HAUS8: variants seen among roughly 807,000 people sequenced by gnomAD.
HAUS8 encodes HAUS augmin like complex subunit 8, also known as HAUS augmin-like complex subunit 8.
In HAUS8, 38 loss-of-function variants were observed where a neutral mutation model predicts 42.9. The observed-to-expected ratio is 0.89, with a 90% CI of 0.68 to 1.16. The LOEUF is 1.16. HAUS8 is among the 50% of genes most tolerant of loss of function. The pLI, the probability that HAUS8 is intolerant of heterozygous loss-of-function variation, is 0.00. For synonymous variants in HAUS8, 199 were observed against 205.8 expected (o/e 0.97, Z 0.28); for missense variants, 494 against 511.6 (o/e 0.97, Z 0.33).
chr19:17,075,167 G>A, intron 1 of HAUS8: 2 of 549,764 alleles, frequency 3.6e-6, no homozygotes, highest in African/African-American at 1.9e-5. Flanking sequence ...CTTGCCGGAG[G>A]TCGCCCAGCG....
At position 17,073,273 on chromosome 19, in the gene HAUS8, C is replaced by A. The variant is rs759332696; in HGVS notation, c.91+1G>T. ...CTTAAAGAGATCCTGACACTGCTTA[C>A]CTTGAACTCTTTTATCCTTCTTCTT... is the stretch of plus-strand genomic sequence containing the variant. On this transcript the variant is annotated splice_donor_variant, in intron 2 of 10. Transcript: ENST00000253669. LOFTEE classifies it high-confidence loss of function. 3.0e-5 allele frequency: 49 copies of A among 1,612,780 alleles called. No homozygotes were observed. The highest frequency in any genetic ancestry group is 3.5e-5 in the Non-Finnish European group (41 of 1,178,880).
At chr19:17,051,910 G>A (rs1027250299) in intron 10 of HAUS8, 2 of 151,832 alleles carry the variant, frequency 1.3e-5, no homozygotes, top group Admixed American at 1.3e-4. Flanking sequence ...GGGGGCTGAG[G>A]TGGGCAGATC....
At chr19:17,054,007 C>T (rs1465764749) in intron 9 of HAUS8, among the ~76,000 whole-genome samples, 1 of 152,028 alleles carries the variant, frequency 6.6e-6, no homozygotes, top group Non-Finnish European at 1.5e-5. Context: ...GAGGAGGCCA[C>T]GTGAGGACGG....
intron 3 of HAUS8, among the ~76,000 whole-genome samples, chr19:17,065,738 A>G (rs1186080062): frequency 6.6e-6 from 1 of 151,726 alleles, no homozygotes; most frequent in African/African-American, 2.4e-5. Flanking sequence ...GAGGCAGAAT[A>G]GCTTGAACCC....
At chr19:17,065,753 G>A (rs1338468763) in intron 3 of HAUS8, among the ~76,000 whole-genome samples, 1 of 151,772 alleles carries the variant, frequency 6.6e-6, no homozygotes, top group Non-Finnish European at 1.5e-5. Context: ...GAACCCGGGA[G>A]GCAGAGGTTG....
In HAUS8 at chr19:17,050,078, G is replaced by T. The variant is rs762220408; in HGVS notation, c.1028C>A (p.Pro343His). The T allele has an allele frequency of 1.2e-6, 2 of 1,603,840 alleles. No homozygotes were observed. The highest frequency in any genetic ancestry group is 4.6e-5 in the East Asian group (2 of 43,874). ...VWEETQGMAPPSRWYFNQDSA... is the reference protein window; with the variant it reads ...VWEETQGMAPHSRWYFNQDSA... ...GTCTTGATTGAAATACCACCGGCTG[G>T]GGGGCGCCATGCCCTGGGTCTCTTC... Residue 343 changes from proline (P) to histidine (H), a missense_variant, in exon 11 of 11, where the codon CCC (proline) becomes CAC (histidine). By Grantham distance (77) the Pro-to-His change is moderately conservative. Transcript: ENST00000253669.
intron 2 of HAUS8, among the ~76,000 whole-genome samples, chr19:17,072,015 C>T (rs1409535239): frequency 1.3e-5 from 2 of 152,074 alleles, no homozygotes; most frequent in Non-Finnish European, 2.9e-5. Flanking sequence ...AATAAACAGG[C>T]TGAATTTTCC....
chr19:17,055,131 AAAAAAAAAAAAAATATATATATAT>A (rs1599971475), intron 9 of HAUS8: 3 of 36,254 alleles, frequency 8.3e-5, no homozygotes, highest in African/African-American at 2.3e-4. Context: ...AAAAAAAAAA[AAAAAAAAAAAAAATATATATATAT>A]ATATATATAT....
intron 1 of HAUS8, chr19:17,075,013 C>T (rs1469006136): frequency 3.6e-6 from 1 of 279,664 alleles, no homozygotes; most frequent in Non-Finnish European, 6.9e-6. Context: ...CACTGCATAA[C>T]GATAATTCCA....
intron 3 of HAUS8, among the ~76,000 whole-genome samples, chr19:17,065,940 C>G (rs2057384726): frequency 6.6e-6 from 1 of 151,204 alleles, no homozygotes; most frequent in South Asian, 2.1e-4. Context: ...GCGCCTTCCC[C>G]CCATATCTCA....
intron 3 of HAUS8, among the ~76,000 whole-genome samples, chr19:17,063,089 A>T (rs992603957): frequency 1.6e-4 from 24 of 152,216 alleles, no homozygotes; most frequent in African/African-American, 2.4e-5. Flanking sequence ...AGAACATATA[A>T]CTTTGGTCAT....
At chr19:17,073,415 T>G in intron 1 of HAUS8, 80 bp from the exon 2 acceptor site, 1 of 1,330,660 alleles carries the variant, frequency 7.5e-7, no homozygotes, top group Non-Finnish European at 1.1e-6. Flanking sequence ...CTCTGCTAGT[T>G]GAAGCTCAGA....
intron 3 of HAUS8, among the ~76,000 whole-genome samples, chr19:17,066,359 G>A (rs1308494494): frequency 6.6e-6 from 1 of 152,118 alleles, no homozygotes; most frequent in Non-Finnish European, 1.5e-5. Context: ...AAATTGCTGG[G>A]ATTTCAGGCA....
chr19:17,058,494 TG>T, intron 8 of HAUS8, 54 bp downstream of exon 8: 1 of 1,502,438 alleles, frequency 6.7e-7, no homozygotes, highest in Non-Finnish European at 8.9e-7. Flanking sequence ...ACAGTGGAGA[TG>T]GGACAGATTC....
intron 3 of HAUS8, among the ~76,000 whole-genome samples, chr19:17,066,259 T>A (rs1273755413): frequency 6.6e-6 from 1 of 151,326 alleles, no homozygotes; most frequent in African/African-American, 2.4e-5. Context: ...GCCACTTGGC[T>A]AATGAAAAAA....
intron 2 of HAUS8, among the ~76,000 whole-genome samples, chr19:17,072,949 CAA>C (rs201634583): frequency 2.6e-4 from 22 of 84,764 alleles, no homozygotes; most frequent in Non-Finnish European, 3.3e-4. Flanking sequence ...GACCCCAACT[CAA>C]AAAAAAAAAA....
At chr19:17,064,706 A>G (rs1457953721) in intron 3 of HAUS8, among the ~76,000 whole-genome samples, 1 of 152,224 alleles carries the variant, frequency 6.6e-6, no homozygotes, top group Non-Finnish European at 1.5e-5. Flanking sequence ...CACACCATAC[A>G]CAAAAACTAA....
At chr19:17,056,155 A>C (rs962229825) in intron 8 of HAUS8, among the ~76,000 whole-genome samples, 153 bp from the exon 9 acceptor site, 1 of 152,108 alleles carries the variant, frequency 6.6e-6, no homozygotes, top group Non-Finnish European at 1.5e-5. Flanking sequence ...GGGTGTGGTG[A>C]GCTCTTCCCA....
At chr19:17,072,258 A>C (rs75479026) in intron 2 of HAUS8, among the ~76,000 whole-genome samples, 342 of 151,082 alleles carry the variant, frequency 2.3e-3, no homozygotes, top group African/African-American at 7.3e-3. Flanking sequence ...CACTGCACAC[A>C]CTGAGAAAAT....
Sources: gnomAD v4.1 joint callset for allele counts (sites outside exome capture counted in the v4.1 genomes callset) on GRCh38, gnomAD v4.1.1 for gene constraint, MANE v1.5 for transcripts, NCBI Gene and HGNC (gene_info 2026-07-23, HGNC 2026-07-21) for gene names.